Variants in SYT2 observed in about 807,000 individuals in gnomAD.
The protein encoded by SYT2 is synaptotagmin-2.
Under a neutral mutation model 39.9 loss-of-function variants are expected in SYT2, and 15 were observed. The observed-to-expected ratio is 0.38, with a 90% CI of 0.25 to 0.58. The LOEUF is 0.58. Ranked by LOEUF, SYT2 falls within the 20% of genes least tolerant of loss-of-function variation. The probability of loss-of-function intolerance (pLI) is 0.70; values close to 1 mark genes in which losing one functional copy is unlikely to be tolerated. For missense variants in SYT2, 389 were observed against 530.3 expected (o/e 0.73, Z 2.62); for synonymous variants, 181 against 204.5 (o/e 0.89, Z 0.98).
chr1:202,639,672 T>A, intron 1 of SYT2: 2 of 985,492 alleles, frequency 2.0e-6, no homozygotes, highest in Non-Finnish European at 2.4e-6. Flanking sequence ...AGGAGCCTTT[T>A]GTCAGCCACA....
At chr1:202,597,437 G>A (rs1690337040) in intron 8 of SYT2, among the ~76,000 whole-genome samples, 1 of 152,140 alleles carries the variant, frequency 6.6e-6, no homozygotes, top group East Asian at 1.9e-4. Flanking sequence ...TCTCTAGGAG[G>A]AGAAAAGAAG....
chr1:202,681,900 C>T (rs1444553833), intron 1 of SYT2, among the ~76,000 whole-genome samples: 2 of 152,232 alleles, frequency 1.3e-5, no homozygotes, highest in African/African-American at 4.8e-5. Context: ...AATTATGAGC[C>T]TCCGTGGGGA....
At position 202,696,196 on chromosome 1, in the gene SYT2, C is replaced by T. The variant is rs1447894904; in HGVS notation, c.-18+14062G>A. ...GAACTAGAGGCAGAGCCAGAAATTC[C>T]AGTCCCCTTTACAACCCAAATCGTG... is the stretch of plus-strand genomic sequence containing the variant. On this transcript the variant is annotated intron_variant, in intron 1 of 8. Transcript: ENST00000367268. Among the ~76,000 whole-genome samples the T allele has an allele frequency of 3.3e-5, 5 of 152,310 alleles. No homozygotes were observed. The East Asian group carries it at 9.6e-4, about 29-fold the overall frequency.
rs978022805 is a variant in SYT2, at chr1:202,614,186, G to A, written c.-17-8397C>T. 1.6e-4 allele frequency among the ~76,000 whole-genome samples: 25 copies of A among 152,326 alleles called. No homozygotes were observed. The highest frequency in any genetic ancestry group is 4.6e-4 in the African/African-American group (19 of 41,570). ...AAATAAACCAGCCAGGAATGAAGAC[G>A]CTTAATGCTCCTGAGGTTCAGGGAA... On this transcript the variant is annotated intron_variant, in intron 1 of 8. Transcript: ENST00000367268. The surrounding 1 kb of genome is among the most constrained non-coding windows in gnomAD (Gnocchi z 4.0).
intron 1 of SYT2, among the ~76,000 whole-genome samples, chr1:202,624,641 GCA>G (rs1269798523): frequency 3.2e-5 from 3 of 92,816 alleles, no homozygotes; most frequent in Admixed American, 1.0e-4. Flanking sequence ...ATGGCATGTA[GCA>G]CAGTGTCTGG....
chr1:202,644,797 TC>T (rs1289233721), intron 1 of SYT2, among the ~76,000 whole-genome samples: 1 of 152,044 alleles, frequency 6.6e-6, no homozygotes, highest in African/African-American at 2.4e-5. Flanking sequence ...ACCGGGAAAT[TC>T]CCAATACCCG....
At chr1:202,683,830 G>A (rs1257861529) in intron 1 of SYT2, among the ~76,000 whole-genome samples, 2 of 152,010 alleles carry the variant, frequency 1.3e-5, no homozygotes, top group Admixed American at 6.6e-5. Context: ...ATGCTTGGGG[G>A]AAATTGAGGC....
intron 1 of SYT2, among the ~76,000 whole-genome samples, chr1:202,674,173 G>A (rs952771215): frequency 3.8e-4 from 57 of 151,992 alleles, no homozygotes; most frequent in Non-Finnish European, 6.2e-4. Context: ...GTGATCTTGT[G>A]TCGCTGCAAC....
intron 1 of SYT2, among the ~76,000 whole-genome samples, chr1:202,681,647 G>A (rs971114176): frequency 1.3e-5 from 2 of 152,218 alleles, no homozygotes; most frequent in African/African-American, 4.8e-5. Flanking sequence ...TCGGTGGGCA[G>A]GGATGTTGTC....
At chr1:202,677,981 T>C (rs1653420910) in intron 1 of SYT2, among the ~76,000 whole-genome samples, 1 of 152,074 alleles carries the variant, frequency 6.6e-6, no homozygotes, top group Non-Finnish European at 1.5e-5. Flanking sequence ...TCTGTGAAAA[T>C]GGATGATTGG....
At position 202,623,234 on chromosome 1, in the gene SYT2, C is replaced by G. The variant is rs1464542384; in HGVS notation, c.-17-17445G>C. Among the ~76,000 whole-genome samples, 3 of 152,220 alleles carry G rather than the reference C, an allele frequency of 2.0e-5. No homozygotes were observed. The highest frequency in any genetic ancestry group is 4.4e-5 in the Non-Finnish European group (3 of 68,026). ...ATCCCCATGGGAGAGGAGCTGGAGT[C>G]CAGGCTCCCTGGAGAGGGAGTTAAT... On this transcript the variant is annotated intron_variant, in intron 1 of 8. Coordinates refer to ENST00000367268, the MANE Select transcript of SYT2 (RefSeq NM_177402.5). This position sits in a 1 kb window ranked among gnomAD's most constrained non-coding sequence, Gnocchi z 4.2.
At chr1:202,668,629 C>T (rs1692524852) in intron 1 of SYT2, among the ~76,000 whole-genome samples, 1 of 152,152 alleles carries the variant, frequency 6.6e-6, no homozygotes, top group Admixed American at 6.5e-5. Flanking sequence ...CATTATGCTA[C>T]CTAGGAGAAT....
At chr1:202,648,771 G>T (rs1692138185) in intron 1 of SYT2, among the ~76,000 whole-genome samples, 1 of 152,198 alleles carries the variant, frequency 6.6e-6, no homozygotes, top group South Asian at 2.1e-4. Context: ...TTTGGCAGTT[G>T]TTGAGTAGGG....
chr1:202,708,583 G>C (rs1654309454), intron 1 of SYT2, among the ~76,000 whole-genome samples: 1 of 152,056 alleles, frequency 6.6e-6, no homozygotes, highest in South Asian at 2.1e-4. Context: ...CCATTTTCCA[G>C]GGGCATGGGA....
chr1:202,685,316 G>A (rs1300500762), intron 1 of SYT2, among the ~76,000 whole-genome samples: 2 of 152,058 alleles, frequency 1.3e-5, no homozygotes, highest in African/African-American at 4.8e-5. Context: ...ACCACCACCT[G>A]CTATTCCAGG....
chr1:202,618,973 G>A (rs1691126344), intron 1 of SYT2, among the ~76,000 whole-genome samples: 2 of 152,220 alleles, frequency 1.3e-5, no homozygotes, highest in African/African-American at 4.8e-5. Flanking sequence ...AGTGAAGCCA[G>A]TTGTCCAAGG....
chr1:202,632,859 G>C (rs2149091935), intron 1 of SYT2: 1 of 152,340 alleles, frequency 6.6e-6, no homozygotes, highest in South Asian at 2.1e-4. Flanking sequence ...TTATTTCCCT[G>C]TTCTGGATGT....
chr1:202,636,391 G>A, intron 1 of SYT2: 2 of 985,362 alleles, frequency 2.0e-6, no homozygotes, highest in Non-Finnish European at 2.4e-6. Flanking sequence ...CAGGGAGAGG[G>A]AGAGGCCAAC....
At chr1:202,676,439 A>T (rs1040471987) in intron 1 of SYT2, among the ~76,000 whole-genome samples, 1 of 152,184 alleles carries the variant, frequency 6.6e-6, no homozygotes, top group Non-Finnish European at 1.5e-5. Context: ...GTCTGTTTGC[A>T]TATCTTACAA....
Sources: allele counts gnomAD v4.1 joint callset (sites outside exome capture counted in the v4.1 genomes callset), GRCh38; gene constraint gnomAD v4.1.1; non-coding constraint Gnocchi (gnomAD v3.1); transcripts MANE v1.5; gene names NCBI Gene and HGNC (gene_info 2026-07-23, HGNC 2026-07-21).